DOCK9: variants seen among roughly 807,000 people sequenced by gnomAD.
DOCK9 encodes dedicator of cytokinesis 9.
A neutral mutation model predicts 263.3 loss-of-function variants in DOCK9; 89 were observed. That is an observed-to-expected ratio of 0.34 (90% CI 0.28 to 0.40). The LOEUF (loss-of-function observed/expected upper bound fraction) is 0.40, where lower values mean the gene tolerates loss of function less well. DOCK9 is among the 10% of genes least tolerant of loss of function. The probability of loss-of-function intolerance (pLI) is 1.00; values close to 1 mark genes in which losing one functional copy is unlikely to be tolerated. For missense variants in DOCK9, 2,140 were observed against 2,603.4 expected (o/e 0.82, Z 3.87); for synonymous variants, 976 against 973.1 (o/e 1.00, Z -0.06).
intron 9 of DOCK9, among the ~76,000 whole-genome samples, chr13:98,908,427 G>C (rs976300944): frequency 3.9e-5 from 6 of 151,968 alleles, no homozygotes; most frequent in Non-Finnish European, 5.9e-5. Flanking sequence ...GTTGTTTATT[G>C]TGTACTGTTT....
chr13:98,901,051 C>G (rs1383371724), intron 13 of DOCK9, among the ~76,000 whole-genome samples: 1 of 152,188 alleles, frequency 6.6e-6, no homozygotes, highest in East Asian at 1.9e-4. Flanking sequence ...ACAGATTACA[C>G]TAACCAGGTA....
chr13:99,030,026 G>A (rs1887167025), intron 1 of DOCK9, among the ~76,000 whole-genome samples: 2 of 152,204 alleles, frequency 1.3e-5, no homozygotes, highest in South Asian at 4.1e-4. Context: ...CAGATGCAAA[G>A]GCTACCTACT....
chr13:99,051,601 C>A (rs565376206), intron 1 of DOCK9, among the ~76,000 whole-genome samples: 2 of 152,056 alleles, frequency 1.3e-5, no homozygotes. Context: ...GATAGTGATA[C>A]AAACATCCCA....
In DOCK9 at chr13:98,824,285, T is replaced by C. The variant is rs1459577802; in HGVS notation, c.5130+113A>G. The C allele has an allele frequency of 4.7e-6, 4 of 844,568 alleles. No individual in the cohort carries two copies. The East Asian group carries it at 1.0e-4, about 21-fold the overall frequency. 52.3% of individuals were successfully genotyped at this position (844,568 alleles called of 1,614,324 possible). On this transcript the variant is annotated intron_variant, in intron 45 of 52. Coordinates refer to ENST00000682017, the MANE Select transcript of DOCK9 (RefSeq NM_001366683.2). ...GAATCATCTCAGTTAGAGCTATGTGTATAAGTAGCAGCTACAGGGAGGAAA... is the reference window on the plus strand; with the variant it reads ...GAATCATCTCAGTTAGAGCTATGTGCATAAGTAGCAGCTACAGGGAGGAAA...
At position 98,810,158 on chromosome 13, in the gene DOCK9, C is replaced by A; in HGVS notation, c.5253+11G>T. ...CTCAAATAGGAAAAAAACAAAAAGG[C>A]ACTCTCATACCTCAAAATCCCTCCG... On this transcript the variant is annotated intron_variant, in intron 46 of 52. Coordinates refer to ENST00000682017, the MANE Select transcript of DOCK9 (RefSeq NM_001366683.2). 3 of 1,613,778 alleles carry A rather than the reference C, an allele frequency of 1.9e-6. No individual in the cohort carries two copies. The highest frequency in any genetic ancestry group is 2.5e-6 in the Non-Finnish European group (3 of 1,179,828).
intron 28 of DOCK9, 80 bp from the exon 29 acceptor site, chr13:98,868,091 A>G (rs2094087548): frequency 6.5e-7 from 1 of 1,540,082 alleles, no homozygotes; most frequent in Non-Finnish European, 8.9e-7. Context: ...ATTTATTGCT[A>G]ATAAGTTTAT....
upstream of DOCK9, among the ~76,000 whole-genome samples, chr13:98,979,229 T>TAGCAGCAGCAGC (rs1332460705): frequency 1.6e-5 from 2 of 125,050 alleles, no homozygotes; most frequent in Non-Finnish European, 3.3e-5. Flanking sequence ...GTAGTAGTAG[T>TAGCAGCAGCAGC]AGCAGCAGCG....
At position 98,810,199 on chromosome 13, in the gene DOCK9, G is replaced by T; in HGVS notation, c.5223C>A (p.Ile1741=). 1 of 1,613,928 alleles carries T rather than the reference G, an allele frequency of 6.2e-7. No individual in the cohort carries two copies. Among genetic ancestry groups the T allele is most frequent in the Non-Finnish European group, 8.5e-7 (1 of 1,179,882 alleles). ...ELIADIYKLI[I]PIYEKRRDFE... is the part of the protein sequence containing the mutation. ...AATCCCTCCGCTTCTCATAAATGGG[G>T]ATGATAAGTTTGTAGATGTCGGCGA... The change falls in exon 46 of 53, where the codon ATC becomes ATA. Residue 1741 remains isoleucine, a synonymous_variant. Transcript: ENST00000682017.
rs201127485 is a variant in DOCK9, at chr13:98,824,427, C to T, written c.5101G>A (p.Val1701Met). The T allele has an allele frequency of 1.2e-6, 2 of 1,613,812 alleles. No individual in the cohort carries two copies. The highest frequency in any genetic ancestry group is 1.7e-6 in the Non-Finnish European group (2 of 1,179,838). The change falls in exon 45 of 53, where the codon GTG becomes ATG. Residue 1701 changes from valine (V) to methionine (M), a missense_variant. Coordinates refer to ENST00000682017, the MANE Select transcript of DOCK9 (RefSeq NM_001366683.2). ...TTGAAATGGACATCCTGCATCCCCA[C>T]GTCTTCCATCATGGAGGCCTCCTCG... ...IDEEASMMED[V>M]GMQDVHFNED...
chr13:98,947,423 C>A (rs2056856399), intron 2 of DOCK9, among the ~76,000 whole-genome samples: 1 of 142,980 alleles, frequency 7.0e-6, no homozygotes, highest in Non-Finnish European at 1.5e-5. Context: ...AAAAAAAAAT[C>A]AATCACTATT....
chr13:99,059,987 C>T lies in DOCK9; in HGVS notation c.129+26236G>A, dbSNP rs576646387. 2.0e-5 allele frequency among the ~76,000 whole-genome samples: 3 copies of T among 151,616 alleles called. No homozygotes were observed. In the South Asian group the frequency reaches 6.3e-4, roughly 32 times the overall value. The stretch of plus-strand genomic sequence containing the variant: ...TACTGTGGCATGTGTCAGTACTCCA[C>T]TCCTTTGAATGGCTGAATAATATTC... On this transcript the variant is annotated intron_variant, in intron 1 of 32. Transcript: ENST00000427887.
At chr13:98,849,324 T>C (rs2093489027) in intron 36 of DOCK9, among the ~76,000 whole-genome samples, 3 of 152,114 alleles carry the variant, frequency 2.0e-5, no homozygotes, top group Admixed American at 1.3e-4. Context: ...TCCTCCTGAG[T>C]TCATGCAAAT....
intron 35 of DOCK9, among the ~76,000 whole-genome samples, chr13:98,850,911 G>C (rs1456324458): frequency 2.0e-5 from 3 of 152,166 alleles, no homozygotes; most frequent in African/African-American, 7.2e-5. Flanking sequence ...TTGAGAAATA[G>C]GTAAAGAGGT....
rs569296029 is a variant in DOCK9 at position 98,807,892 on chromosome 13, GA to G, written c.5368-86del. ...GGAAGCGTTCTTTTATTACAAGGGG[GA>G]AAAAAAGGAATGGGTCTAAAAATCC... On this transcript the variant is annotated intron_variant, in intron 47 of 52. Transcript: ENST00000682017. 993 of 1,158,474 alleles carry G rather than the reference GA, an allele frequency of 8.6e-4. 3 individuals are homozygous for G. The highest frequency in any genetic ancestry group is 5.4e-3 in the Middle Eastern group (26 of 4,840). 71.8% of individuals were successfully genotyped at this position (1,158,474 alleles called of 1,614,324 possible).
chr13:98,811,880 T>C lies in DOCK9; in HGVS notation c.5131-1589A>G, dbSNP rs534581737. Among the ~76,000 whole-genome samples the C allele has an allele frequency of 4.6e-5, 7 of 152,354 alleles. No homozygotes were observed. In the South Asian group the frequency reaches 1.0e-3, roughly 23 times the overall value. ...CTTATGTTTTCTTCCAGAAGCTTTA[T>C]AGTTTTACATTTTACATTTTAGACT... On this transcript the variant is annotated intron_variant, in intron 45 of 52. Coordinates refer to ENST00000682017, the MANE Select transcript of DOCK9 (RefSeq NM_001366683.2).
Position 98,885,713 on chromosome 13 carries a change from G to A in DOCK9, c.2255C>T (p.Thr752Ile). Residue 752 changes from threonine to isoleucine, a missense_variant, in exon 20 of 53, where the codon ACC becomes ATC. By Grantham distance (89) the Thr-to-Ile change is moderately conservative. This residue lies in a region of DOCK9 where 1,521 missense variants were observed against 1,741.7 expected (regional missense o/e 0.87). Coordinates refer to ENST00000682017, the MANE Select transcript of DOCK9 (RefSeq NM_001366683.2). ...GAATGGTAAGCCCCCCCAACCTTGG[G>A]TTTCAACGACATCCCTCTTCTTCGT... ...GSTKKRDVVE[T>I]QVGYSWLPLL... is the part of the protein sequence containing the mutation. The A allele has an allele frequency of 6.2e-7, 1 of 1,610,300 alleles. No homozygotes were observed. The highest frequency in any genetic ancestry group is 8.5e-7 in the Non-Finnish European group (1 of 1,178,932).
At chr13:98,876,453 A>G (rs892072341) in intron 27 of DOCK9, among the ~76,000 whole-genome samples, 9 of 152,176 alleles carry the variant, frequency 5.9e-5, no homozygotes, top group African/African-American at 2.2e-4. Flanking sequence ...ATTGCGTCAC[A>G]GCACTCCAGC....
At chr13:98,867,346 G>C in intron 30 of DOCK9, 79 bp downstream of exon 30, 1 of 850,082 alleles carries the variant, frequency 1.2e-6, no homozygotes, top group Non-Finnish European at 1.9e-6. Context: ...CAAATATCAT[G>C]TTTGAATCAA....
Position 98,960,464 on chromosome 13 carries a change from C to T in DOCK9, c.127-4913G>A, listed in dbSNP as rs1288097643. ...TATGTACAAGTCCTTCAGCTTTCCC[C>T]GTCACGTAGAGGCTCAAGTCCTTAT... On this transcript the variant is annotated intron_variant, in intron 1 of 52. Transcript: ENST00000682017. 3.3e-5 allele frequency among the ~76,000 whole-genome samples: 5 copies of T among 152,310 alleles called. No homozygotes were observed. In the East Asian group the frequency reaches 7.7e-4, roughly 23 times the overall value.
Sources: allele counts gnomAD v4.1 joint callset (sites outside exome capture counted in the v4.1 genomes callset), GRCh38; gene constraint gnomAD v4.1.1; regional missense constraint gnomAD v4.1.1; transcripts MANE v1.5; gene names NCBI Gene and HGNC (gene_info 2026-07-23, HGNC 2026-07-21).